TRAF3IP1: variants seen among roughly 807,000 people sequenced by gnomAD.
TRAF3IP1 encodes the protein TRAF3-interacting protein 1.
A neutral mutation model predicts 89.9 loss-of-function variants in TRAF3IP1; 53 were observed. That is an observed-to-expected ratio of 0.59 (90% CI 0.47 to 0.74). TRAF3IP1 has a LOEUF of 0.74. TRAF3IP1 is among the 30% of genes least tolerant of loss of function. TRAF3IP1 has a pLI of 0.00. For synonymous variants in TRAF3IP1, 311 were observed against 322.1 expected (o/e 0.97, Z 0.37); for missense variants, 806 against 866.1 (o/e 0.93, Z 0.87).
In TRAF3IP1 at chr2:238,329,297, C is replaced by T; in HGVS notation, c.870C>T (p.Asp290=). ...TGAAAAACGGGGAGCACTCCTGGGACCTGGACAGGGAGAAGAACAGAGAGC... is the reference window on the plus strand; with the variant it reads ...TGAAAAACGGGGAGCACTCCTGGGATCTGGACAGGGAGAAGAACAGAGAGC... ...RRVKNGEHSW[D]LDREKNREHD... The change falls in exon 5 of 17, where the codon GAC becomes GAT. Residue 290 remains aspartate (D), a synonymous_variant. Coordinates refer to ENST00000373327, the MANE Select transcript of TRAF3IP1 (RefSeq NM_015650.4). 5 of 1,460,512 alleles carry T rather than the reference C, an allele frequency of 3.4e-6. No individual in the cohort carries two copies. The highest frequency in any genetic ancestry group is 4.5e-6 in the Non-Finnish European group (5 of 1,104,574). 90.5% of individuals were successfully genotyped at this position (1,460,512 alleles called of 1,614,324 possible).
intron 15 of TRAF3IP1, among the ~76,000 whole-genome samples, chr2:238,369,744 C>T (rs1312166751): frequency 6.6e-6 from 1 of 152,210 alleles, no homozygotes; most frequent in Non-Finnish European, 1.5e-5. Context: ...CAAGCCGCTC[C>T]TTTTCTCTTT....
At chr2:238,334,138 A>G in intron 7 of TRAF3IP1, 103 bp downstream of exon 7, 1 of 879,372 alleles carries the variant, frequency 1.1e-6, no homozygotes, top group South Asian at 1.6e-5. Flanking sequence ...ATGGCTGGAA[A>G]ACAGACTTGC....
In TRAF3IP1 at chr2:238,345,128, C is replaced by A. The variant is rs1314164681; in HGVS notation, c.1261+530C>A. Among the ~76,000 whole-genome samples, 1 of 152,174 alleles carries A rather than the reference C, an allele frequency of 6.6e-6. No individual in the cohort carries two copies. Among genetic ancestry groups the A allele is most frequent in the Non-Finnish European group, 1.5e-5 (1 of 68,028 alleles). ...TAACAGGCCTGCAAGGGTACCAGTG[C>A]CCAGGTAACCAAGGCTTGTGCAGGT... On this transcript the variant is annotated intron_variant, in intron 9 of 16. Transcript: ENST00000373327. The surrounding 1 kb of genome is among the most constrained non-coding windows in gnomAD (Gnocchi z 4.7).
At chr2:238,375,873 T>G (rs1294387263) in intron 15 of TRAF3IP1, among the ~76,000 whole-genome samples, 1 of 152,106 alleles carries the variant, frequency 6.6e-6, no homozygotes, top group African/African-American at 2.4e-5. Flanking sequence ...CCACCTGGAG[T>G]TGATTTTCCT....
chr2:238,347,328 G>T (rs955284906), intron 9 of TRAF3IP1, 127 bp from the exon 10 acceptor site: 46 of 951,860 alleles, frequency 4.8e-5, no homozygotes, highest in Non-Finnish European at 7.1e-5. Context: ...ATGAGGAAAT[G>T]ATCTTTTTTT....
intron 14 of TRAF3IP1, among the ~76,000 whole-genome samples, chr2:238,354,093 T>C (rs558906064): frequency 6.6e-6 from 1 of 152,318 alleles, no homozygotes; most frequent in African/African-American, 2.4e-5. Flanking sequence ...ATTTTTAACA[T>C]AGTGGATGTG....
At position 238,329,302 on chromosome 2, in the gene TRAF3IP1, A is replaced by T. The variant is rs752716262; in HGVS notation, c.875A>T (p.Asp292Val). ...VKNGEHSWDL[D>V]REKNREHDKP... ...AACGGGGAGCACTCCTGGGACCTGG[A>T]CAGGGAGAAGAACAGAGAGCATGAC... Residue 292 changes from aspartate (D) to valine (V), a missense_variant, in exon 5 of 17, where the codon GAC becomes GTC. Asp to Val is a radical substitution (Grantham distance 152, BLOSUM62 -3). Around this residue, in one of 3 missense-constraint regions of TRAF3IP1, gnomAD observed 732 missense variants for 780.5 expected, o/e 0.94. Transcript: ENST00000373327. 3.1e-5 allele frequency: 45 copies of T among 1,448,984 alleles called. No homozygotes were observed. Among genetic ancestry groups the T allele is most frequent in the Admixed American group, 2.0e-4 (8 of 39,558 alleles). 89.8% of individuals were successfully genotyped at this position (1,448,984 alleles called of 1,614,324 possible). A position where few individuals can be genotyped will look rare whatever the true frequency, so the allele number is the denominator to read the frequency against.
chr2:238,367,009 C>T (rs1196095811), intron 15 of TRAF3IP1, among the ~76,000 whole-genome samples: 1 of 151,312 alleles, frequency 6.6e-6, no homozygotes, highest in African/African-American at 2.4e-5. Flanking sequence ...TAAATATACA[C>T]AAAAATTAGC....
intron 8 of TRAF3IP1, among the ~76,000 whole-genome samples, chr2:238,344,093 G>C (rs1161016002): frequency 6.6e-6 from 1 of 152,164 alleles, no homozygotes; most frequent in African/African-American, 2.4e-5. Context: ...TGTGCACTGT[G>C]TCCAAAATAT....
chr2:238,338,325 A>G (rs1574908383), intron 7 of TRAF3IP1, 37 bp from the exon 8 acceptor site: 4 of 1,127,842 alleles, frequency 3.5e-6, no homozygotes, highest in Non-Finnish European at 4.7e-6. Flanking sequence ...AAAATCTTTT[A>G]TAATATTTTA....
Sources: allele counts gnomAD v4.1 joint callset (sites outside exome capture counted in the v4.1 genomes callset), GRCh38; gene constraint gnomAD v4.1.1; regional missense constraint gnomAD v4.1.1; non-coding constraint Gnocchi (gnomAD v3.1); transcripts MANE v1.5; gene names NCBI Gene and HGNC (gene_info 2026-07-23, HGNC 2026-07-21).